Variants in CCDC73 observed in about 807,000 individuals in gnomAD.
The protein encoded by CCDC73 is coiled-coil domain-containing protein 73.
CCDC73 carries 95 observed loss-of-function variants against 116.5 expected under a neutral mutation model. The observed-to-expected ratio is 0.82, with a 90% CI of 0.69 to 0.97. The LOEUF is 0.97. CCDC73 is among the 50% of genes least tolerant of loss of function. CCDC73 has a pLI of 0.00. For missense variants in CCDC73, 1,066 were observed against 1,206.8 expected, an observed-to-expected ratio of 0.88 and a Z score of 1.73; for synonymous variants, 398 against 401.3, an observed-to-expected ratio of 0.99 and a Z score of 0.10.
chr11:32,777,688 C>T (rs541207950), intron 1 of CCDC73, among the ~76,000 whole-genome samples: 84 of 152,154 alleles, frequency 5.5e-4, no homozygotes, highest in Middle Eastern at 6.8e-3. Flanking sequence ...ATATTTTAAA[C>T]ATTACTAATA....
chr11:32,694,590 A>G (rs1455940363), intron 6 of CCDC73, among the ~76,000 whole-genome samples: 17 of 152,180 alleles, frequency 1.1e-4, no homozygotes, highest in Admixed American at 1.0e-3. Flanking sequence ...AACTTAAAGT[A>G]TAATTAAAAA....
chr11:32,829,339 AGAAT>A, the CCDC73 span, among the ~76,000 whole-genome samples: 1 of 152,240 alleles, frequency 6.6e-6, no homozygotes, highest in Non-Finnish European at 1.5e-5. Context: ...CACTCTTGAG[AGAAT>A]GAAAGTGAAA....
intron 2 of CCDC73, among the ~76,000 whole-genome samples, chr11:32,727,027 T>C (rs968749821): frequency 3.9e-5 from 6 of 152,190 alleles, no homozygotes; most frequent in African/African-American, 1.4e-4. Flanking sequence ...CTCCATTCTG[T>C]CAGTTTCTCA....
chr11:32,768,131 A>G (rs1238451399), intron 1 of CCDC73, among the ~76,000 whole-genome samples: 2 of 152,256 alleles, frequency 1.3e-5, no homozygotes, highest in Admixed American at 6.5e-5. Flanking sequence ...ACCATGGAAT[A>G]CTATGCAGCC....
At chr11:32,750,765 G>A (rs1199189552) in intron 2 of CCDC73, among the ~76,000 whole-genome samples, 1 of 152,118 alleles carries the variant, frequency 6.6e-6, no homozygotes. Flanking sequence ...GCCAATGCCT[G>A]GAATTGGGAA....
intron 3 of CCDC73, among the ~76,000 whole-genome samples, chr11:32,707,907 TC>T (rs911474588): frequency 1.3e-5 from 2 of 152,120 alleles, no homozygotes; most frequent in African/African-American, 4.8e-5. Flanking sequence ...ATGGAACATC[TC>T]CCTCAGGAAC....
intron 3 of CCDC73, among the ~76,000 whole-genome samples, chr11:32,712,143 T>C (rs1313378489): frequency 6.6e-6 from 1 of 152,156 alleles, no homozygotes; most frequent in Non-Finnish European, 1.5e-5. Context: ...CCCAGTGCTA[T>C]AATACCTGAA....
In CCDC73 at chr11:32,686,622, T is replaced by G. The variant is rs2133299123; in HGVS notation, c.391-3048A>C. On this transcript the variant is annotated intron_variant, in intron 6 of 17. Transcript: ENST00000335185. ...ATTATCTGCTACCATCAGTCAAAGA[T>G]AAAACTACATCTAGAGCAAATTTAC... is the stretch of plus-strand genomic sequence containing the variant. Among the ~76,000 whole-genome samples the G allele has an allele frequency of 1.3e-5, 2 of 152,286 alleles. 1 individual carries two copies. Among genetic ancestry groups the G allele is most frequent in the Middle Eastern group, 6.8e-3 (2 of 294 alleles).
At chr11:32,639,659 G>T (rs1855714979) in intron 13 of CCDC73, among the ~76,000 whole-genome samples, 1 of 152,020 alleles carries the variant, frequency 6.6e-6, no homozygotes, top group Non-Finnish European at 1.5e-5. Flanking sequence ...ATCCTGGCCA[G>T]GTTTGTCTTG....
At chr11:32,691,821 G>A (rs1856261336) in intron 6 of CCDC73, among the ~76,000 whole-genome samples, 1 of 152,030 alleles carries the variant, frequency 6.6e-6, no homozygotes, top group Admixed American at 6.5e-5. Context: ...GGCCGAGGTG[G>A]GCGGATCACG....
In CCDC73 at chr11:32,642,094, T is replaced by A. The variant is rs1466190883; in HGVS notation, c.940-12A>T. 6.6e-7 allele frequency: 1 copy of A among 1,516,460 alleles called. No homozygotes were observed. The allele number at this position is 1,516,460 out of a possible 1,614,324, so 93.9% of individuals were successfully genotyped here. On this transcript the variant is annotated splice_polypyrimidine_tract_variant and intron_variant, in intron 12 of 17. Coordinates refer to ENST00000335185, the MANE Select transcript of CCDC73 (RefSeq NM_001008391.4). ...TCTCTTTCAAGGGTCTGCAATAAAA[T>A]TAATTATCCAAAAAATAATCAATAC...
chr11:32,629,627 T>A (rs1488273021), intron 14 of CCDC73, among the ~76,000 whole-genome samples: 2 of 152,088 alleles, frequency 1.3e-5, no homozygotes, highest in Non-Finnish European at 2.9e-5. Context: ...CTCGATCTCC[T>A]GACCTCATGA....
At chr11:32,652,231 G>C (rs376088609) in intron 12 of CCDC73, among the ~76,000 whole-genome samples, 1 of 151,770 alleles carries the variant, frequency 6.6e-6, no homozygotes, top group African/African-American at 2.4e-5. Context: ...TTGAACCCAG[G>C]AGGTGGAGGT....
At chr11:32,642,103 CA>C in intron 12 of CCDC73, 21 bp from the exon 13 acceptor site, 4 of 1,507,652 alleles carry the variant, frequency 2.7e-6, no homozygotes, top group Non-Finnish European at 3.5e-6. Context: ...ATTAATTATC[CA>C]AAAAATAATC....
At chr11:32,677,228 G>T (rs1235811554) in intron 7 of CCDC73, among the ~76,000 whole-genome samples, 2 of 152,058 alleles carry the variant, frequency 1.3e-5, no homozygotes, top group African/African-American at 2.4e-5. Context: ...ATTTTGCCTA[G>T]CCAGCATCCA....
chr11:32,804,969 C>A, the CCDC73 span, among the ~76,000 whole-genome samples: 1 of 152,176 alleles, frequency 6.6e-6, no homozygotes, highest in African/African-American at 2.4e-5. Context: ...TGTTCTTTCC[C>A]TGACTCAAAC....
At chr11:32,613,386 T>C (rs1180996775) in intron 16 of CCDC73, 36 bp downstream of exon 16, 2 of 1,510,560 alleles carry the variant, frequency 1.3e-6, no homozygotes, top group Non-Finnish European at 9.0e-7. Flanking sequence ...AGTAGAAAAA[T>C]ATTTTGAGAA....
intron 3 of CCDC73, among the ~76,000 whole-genome samples, chr11:32,714,925 C>G (rs1849931583): frequency 6.6e-6 from 1 of 152,116 alleles, no homozygotes; most frequent in African/African-American, 2.4e-5. Context: ...CACACTGATT[C>G]ATGTAAGTAC....
chr11:32,605,830 T>TTA (rs1750393800), intron 17 of CCDC73: 1 of 152,234 alleles, frequency 6.6e-6, no homozygotes, highest in African/African-American at 2.4e-5. Flanking sequence ...ATATATTGCC[T>TTA]TGTATCTTCG....
Sources: allele counts gnomAD v4.1 joint callset (sites outside exome capture counted in the v4.1 genomes callset), GRCh38; gene constraint gnomAD v4.1.1; transcripts MANE v1.5; gene names NCBI Gene and HGNC (gene_info 2026-07-23, HGNC 2026-07-21).